C11orf65: variants seen among roughly 807,000 people sequenced by gnomAD.
The protein encoded by C11orf65 is chromosome 11 open reading frame 65.
In C11orf65, 38 loss-of-function variants were observed where a neutral mutation model predicts 35.3. The observed-to-expected ratio is 1.08, with a 90% CI of 0.83 to 1.41. The LOEUF (loss-of-function observed/expected upper bound fraction) is 1.41. Ranked by LOEUF, C11orf65 falls within the 40% of genes most tolerant of loss-of-function variation. The pLI is 0.00. For missense variants in C11orf65, 370 were observed against 367.1 expected (o/e 1.01, Z -0.06); for synonymous variants, 105 against 114.4 (o/e 0.92, Z 0.53).
At chr11:108,394,493 T>G (rs1421933491) in intron 6 of C11orf65, among the ~76,000 whole-genome samples, 1 of 152,220 alleles carries the variant, frequency 6.6e-6, no homozygotes, top group Non-Finnish European at 1.5e-5. Context: ...AGTTTTAAAT[T>G]CAGCCTCCTT....
At chr11:108,313,604 CT>C (rs1447169719) in intron 6 of C11orf65, among the ~76,000 whole-genome samples, 1 of 152,130 alleles carries the variant, frequency 6.6e-6, no homozygotes, top group East Asian at 1.9e-4. Flanking sequence ...GATTTTTCTC[CT>C]TTCACTTTTG....
intron 3 of C11orf65, among the ~76,000 whole-genome samples, chr11:108,407,680 C>T (rs540419814): frequency 1.3e-5 from 2 of 150,992 alleles, no homozygotes; most frequent in East Asian, 2.0e-4. Flanking sequence ...CATGGTGGCT[C>T]ACGCCTGTAA....
intron 6 of C11orf65, among the ~76,000 whole-genome samples, chr11:108,398,191 C>T (rs948681994): frequency 6.6e-6 from 1 of 151,732 alleles, no homozygotes; most frequent in African/African-American, 2.4e-5. Flanking sequence ...ACAGAGAAGA[C>T]GAAGGGACTA....
chr11:108,365,535 T>G, intron 2 of C11orf65: 1 of 1,609,382 alleles, frequency 6.2e-7, no homozygotes, highest in South Asian at 1.1e-5. Flanking sequence ...TACCCTTTCA[T>G]TCAGCCTTTA....
intron 2 of C11orf65, among the ~76,000 whole-genome samples, chr11:108,337,423 G>A (rs549141659): frequency 8.5e-5 from 13 of 152,334 alleles, no homozygotes; most frequent in African/African-American, 2.6e-4. Flanking sequence ...CTTTGATGTG[G>A]TTAAGATCAT....
chr11:108,382,778 A>C lies in C11orf65; in HGVS notation c.*243T>G, dbSNP rs2091892507. The C allele has an allele frequency of 2.0e-6, 2 of 984,284 alleles. No individual in the cohort carries two copies. Among genetic ancestry groups the C allele is most frequent in the Middle Eastern group, 5.2e-4 (1 of 1,914 alleles). 61.0% of individuals were successfully genotyped at this position (984,284 alleles called of 1,614,324 possible). A position where few individuals can be genotyped will look rare whatever the true frequency, so the allele number is the denominator to read the frequency against. ...TCTTGCACCTAAATGTAGTCTCTTT[A>C]CTTAAGTGTGACTGTTAGAATACTA... On this transcript the variant is annotated 3_prime_UTR_variant, in exon 9 of 9. Transcript: ENST00000393084.
intron 2 of C11orf65, chr11:108,367,933 A>G (rs1052896941): frequency 1.5e-5 from 3 of 205,986 alleles, no homozygotes; most frequent in African/African-American, 2.3e-5. Flanking sequence ...AAATGTCTTT[A>G]AGAAAGCCCT....
At chr11:108,407,931 C>CAAAAAAA (rs1215650401) in intron 3 of C11orf65, among the ~76,000 whole-genome samples, 1 of 22,674 alleles carries the variant, frequency 4.4e-5, no homozygotes, top group Non-Finnish European at 1.0e-4. Context: ...GACTCTGTCT[C>CAAAAAAA]AAAAAAAAAA....
At chr11:108,423,373 CT>C (rs1184382289) in intron 3 of C11orf65, among the ~76,000 whole-genome samples, 4 of 152,164 alleles carry the variant, frequency 2.6e-5, no homozygotes, top group Admixed American at 2.6e-4. Context: ...TGAAATCGAC[CT>C]GGGACACTGG....
chr11:108,356,364 C>T (rs1050935549), intron 2 of C11orf65, among the ~76,000 whole-genome samples: 1 of 151,798 alleles, frequency 6.6e-6, no homozygotes, highest in African/African-American at 2.4e-5. Context: ...GGTGAAACCC[C>T]GTCTCTAATA....
At chr11:108,458,995 T>G (rs917510002) in intron 2 of C11orf65, among the ~76,000 whole-genome samples, 1 of 152,214 alleles carries the variant, frequency 6.6e-6, no homozygotes, top group Admixed American at 6.5e-5. Context: ...TATCTTTTGT[T>G]AGTATTCTGT....
At chr11:108,314,644 T>C (rs2084462792) in intron 6 of C11orf65, among the ~76,000 whole-genome samples, 1 of 152,150 alleles carries the variant, frequency 6.6e-6, no homozygotes, top group Admixed American at 6.5e-5. Flanking sequence ...TTAGAGGTGC[T>C]AACCCCCTGT....
chr11:108,405,659 C>T, intron 5 of C11orf65, 100 bp from the exon 6 acceptor site: 1 of 1,208,786 alleles, frequency 8.3e-7, no homozygotes, highest in African/African-American at 1.5e-5. Context: ...AGGAATATGG[C>T]AAGATAGAAA....
At position 108,417,140 on chromosome 11, in the gene C11orf65, CAG is replaced by C. The variant is rs1465184781; in HGVS notation, c.175-9993_175-9992del. Among the ~76,000 whole-genome samples, 3 of 152,234 alleles carry C rather than the reference CAG, an allele frequency of 2.0e-5. No homozygotes were observed. The East Asian group carries it at 5.8e-4, about 29-fold the overall frequency. The stretch of plus-strand genomic sequence containing the variant: ...GAGACATACAGAGAGTAAATAGTAA[CAG>C]GGTAGATTTAAATCCCCAAACATCA... On this transcript the variant is annotated intron_variant, in intron 3 of 8. Coordinates refer to ENST00000393084, the MANE Select transcript of C11orf65 (RefSeq NM_152587.5).
chr11:108,326,178 A>C, intron 6 of C11orf65: 2 of 1,614,208 alleles, frequency 1.2e-6, no homozygotes, highest in Non-Finnish European at 1.7e-6. Flanking sequence ...TCTTGCCCTG[A>C]GTATTCTCAA....
At chr11:108,379,555 A>C (rs916807733), downstream of C11orf65, among the ~76,000 whole-genome samples, 2 of 152,072 alleles carry the variant, frequency 1.3e-5, no homozygotes, top group Non-Finnish European at 2.9e-5. Context: ...GCAGCACACC[A>C]GCATGGCACA....
In C11orf65 at chr11:108,317,474, C is replaced by G. The variant is rs1591789955; in HGVS notation, c.641-8403G>C. ...GTCCTGAACTAGAAGAACTTCATTA[C>G]CAAGCAGCATGGAGGAATATGCAGT... On this transcript the variant is annotated intron_variant, in intron 6 of 6. Coordinates refer to the C11orf65 transcript ENST00000525729. 6.2e-7 allele frequency: 1 copy of G among 1,611,720 alleles called. No homozygotes were observed. Among genetic ancestry groups the G allele is most frequent in the Non-Finnish European group, 8.5e-7 (1 of 1,179,424 alleles).
At chr11:108,370,847 C>G (rs1288957045) in intron 2 of C11orf65, among the ~76,000 whole-genome samples, 1 of 152,102 alleles carries the variant, frequency 6.6e-6, no homozygotes, top group Non-Finnish European at 1.5e-5. Context: ...TCCATTTTAT[C>G]TATTGCTTTA....
chr11:108,319,806 T>G (rs937607512), intron 6 of C11orf65: 1 of 634,744 alleles, frequency 1.6e-6, no homozygotes, highest in Non-Finnish European at 2.8e-6. Context: ...TCATAAAATT[T>G]GTATTTCTTA....
Sources: allele counts gnomAD v4.1 joint callset (sites outside exome capture counted in the v4.1 genomes callset), GRCh38; gene constraint gnomAD v4.1.1; transcripts MANE v1.5; gene names NCBI Gene and HGNC (gene_info 2026-07-23, HGNC 2026-07-21).